The following COMMD7 variants were observed in gnomAD, a reference collection of about 807,000 sequenced individuals.
COMMD7 encodes COMM domain containing 7.
Under a neutral mutation model 34.8 loss-of-function variants are expected in COMMD7, and 28 were observed. The observed-to-expected ratio is 0.80, with a 90% confidence interval of 0.60 to 1.10. The LOEUF (loss-of-function observed/expected upper bound fraction) is 1.10, where lower values mean the gene tolerates loss of function less well. COMMD7 is among the 50% of genes least tolerant of loss of function. The probability of loss-of-function intolerance (pLI) is 0.00; values close to 1 mark genes in which losing one functional copy is unlikely to be tolerated. For synonymous variants in COMMD7, 80 were observed against 86.4 expected (o/e 0.93, Z 0.41); for missense variants, 211 against 241.6 (o/e 0.87, Z 0.84).
chr20:32,710,152 G>A (rs1422733133), intron 3 of COMMD7, among the ~76,000 whole-genome samples: 1 of 152,018 alleles, frequency 6.6e-6, no homozygotes, highest in African/African-American at 2.4e-5. Context: ...GGGATTACAG[G>A]CATGAGCTGC....
intron 6 of COMMD7, 67 bp downstream of exon 6, chr20:32,704,747 G>A (rs1983960868): frequency 1.7e-6 from 2 of 1,172,840 alleles, no homozygotes; most frequent in South Asian, 1.3e-5. Flanking sequence ...CATAGTGGCT[G>A]TGTCACAGCC....
chr20:32,728,733 AT>A (rs566994930), intron 1 of COMMD7, among the ~76,000 whole-genome samples: 18 of 148,544 alleles, frequency 1.2e-4, no homozygotes, highest in Admixed American at 2.0e-4. Flanking sequence ...TACCCGACTA[AT>A]TTTTTTTTTA....
At chr20:32,735,153 G>T (rs960113994) in intron 1 of COMMD7, among the ~76,000 whole-genome samples, 2 of 150,530 alleles carry the variant, frequency 1.3e-5, no homozygotes, top group Non-Finnish European at 3.0e-5. Context: ...CAGGAGAACT[G>T]CTTGAACCCG....
chr20:32,707,283 CAA>C (rs1242140132), intron 3 of COMMD7, among the ~76,000 whole-genome samples: 6 of 67,046 alleles, frequency 8.9e-5, no homozygotes, highest in African/African-American at 2.3e-4. Context: ...GACTCCGTCT[CAA>C]AAAAAAAAAA....
chr20:32,735,175 T>A (rs1236994293), intron 1 of COMMD7, among the ~76,000 whole-genome samples: 1 of 150,326 alleles, frequency 6.7e-6, no homozygotes, highest in Admixed American at 6.7e-5. Context: ...GAGGCAGAGG[T>A]TGCAGTGAGC....
chr20:32,737,406 C>T (rs958196200), intron 1 of COMMD7, among the ~76,000 whole-genome samples: 2 of 143,508 alleles, frequency 1.4e-5, no homozygotes. Flanking sequence ...TGGTACATGC[C>T]TATAGTCCCA....
intron 3 of COMMD7, among the ~76,000 whole-genome samples, chr20:32,721,187 G>C (rs1600985666): frequency 6.6e-6 from 1 of 152,270 alleles, no homozygotes; most frequent in East Asian, 1.9e-4. Flanking sequence ...GGATACAGTG[G>C]GGGGCCAAGT....
chr20:32,714,131 AC>A (rs1324773040), intron 3 of COMMD7, among the ~76,000 whole-genome samples: 2 of 151,646 alleles, frequency 1.3e-5, no homozygotes, highest in South Asian at 2.1e-4. Context: ...AAACAAAAAA[AC>A]CCCCAAAAAA....
chr20:32,710,468 A>G (rs1984366645), intron 3 of COMMD7, among the ~76,000 whole-genome samples: 2 of 152,132 alleles, frequency 1.3e-5, no homozygotes, highest in African/African-American at 4.8e-5. Context: ...TGTAAGGCCA[A>G]GTGCTGTCAT....
intron 1 of COMMD7, among the ~76,000 whole-genome samples, chr20:32,733,519 G>A (rs768157086): frequency 5.5e-4 from 84 of 152,058 alleles, no homozygotes; most frequent in Non-Finnish European, 7.8e-4. Flanking sequence ...AGGAGTTTGA[G>A]ACCAGCCTAG....
chr20:32,727,937 C>T lies in COMMD7; in HGVS notation c.197G>A (p.Gly66Asp). ...GCTTTTCACGATGCTTCTGAGGGAG[C>T]CAAGACTGATCTGATTGGTGGTGGC... is the stretch of plus-strand genomic sequence containing the variant. Reference protein sequence around the residue: ...EFATTNQISLGSLRSIVKSLL... With the variant: ...EFATTNQISLDSLRSIVKSLL... Residue 66 changes from glycine to aspartate, a missense_variant, in exon 3 of 9, where the codon GGC (glycine) becomes GAC (aspartate). Transcript: ENST00000278980. 6.2e-7 allele frequency: 1 copy of T among 1,614,096 alleles called. No homozygotes were observed. Among genetic ancestry groups the T allele is most frequent in the Non-Finnish European group, 8.5e-7 (1 of 1,180,026 alleles).
At chr20:32,717,132 G>A (rs1028966438) in intron 3 of COMMD7, among the ~76,000 whole-genome samples, 6 of 150,154 alleles carry the variant, frequency 4.0e-5, no homozygotes, top group Non-Finnish European at 5.9e-5. Flanking sequence ...TGCCCAGCCC[G>A]GGTTAATAAC....
intron 3 of COMMD7, among the ~76,000 whole-genome samples, chr20:32,716,546 C>T (rs1472426010): frequency 3.3e-5 from 5 of 152,102 alleles, no homozygotes; most frequent in East Asian, 1.9e-4. Flanking sequence ...ACCCGGGAGG[C>T]GGAGCTTGCA....
In COMMD7 at chr20:32,743,406, C is replaced by T; in HGVS notation, c.-15G>A. 7.4e-7 allele frequency: 1 copy of T among 1,346,288 alleles called. No homozygotes were observed. The highest frequency in any genetic ancestry group is 9.5e-7 in the Non-Finnish European group (1 of 1,055,560). The allele number at this position is 1,346,288 out of a possible 1,614,324, so 83.4% of individuals were successfully genotyped here. ...AGGCGGCCCATGGCGCGCGCCCCAG[C>T]CCCGCAGGTTCCACCGCCGCCGCCG... On this transcript the variant is annotated 5_prime_UTR_variant, in exon 1 of 9. Coordinates refer to ENST00000278980, the MANE Select transcript of COMMD7 (RefSeq NM_053041.3).
Position 32,703,133 on chromosome 20 carries a change from T to C in COMMD7, c.*249A>G. ...TGAGATGCAGTGGCCTGTCAGAGTATCTAAAAATGTGTCCTGGAAGACAGG... is the reference window on the plus strand; with the variant it reads ...TGAGATGCAGTGGCCTGTCAGAGTACCTAAAAATGTGTCCTGGAAGACAGG... On this transcript the variant is annotated 3_prime_UTR_variant, in exon 9 of 9. Transcript: ENST00000278980. 2.7e-6 allele frequency: 1 copy of C among 365,220 alleles called. No homozygotes were observed. Among genetic ancestry groups the C allele is most frequent in the Non-Finnish European group, 4.9e-6 (1 of 204,410 alleles). The allele number at this position is 365,220 out of a possible 1,614,324, so 22.6% of individuals were successfully genotyped here. A position where few individuals can be genotyped will look rare whatever the true frequency, so the allele number is the denominator to read the frequency against.
At chr20:32,729,788 C>T (rs975431362) in intron 1 of COMMD7, among the ~76,000 whole-genome samples, 2 of 151,672 alleles carry the variant, frequency 1.3e-5, no homozygotes, top group Admixed American at 6.6e-5. Context: ...GAGTGGATCA[C>T]GAGGTCAGGA....
intron 1 of COMMD7, among the ~76,000 whole-genome samples, chr20:32,741,949 A>G (rs1234855965): frequency 6.6e-6 from 1 of 152,140 alleles, no homozygotes; most frequent in Non-Finnish European, 1.5e-5. Flanking sequence ...ACACTCTGGG[A>G]GGCTGAGGTG....
chr20:32,741,348 G>A (rs1441930276), intron 1 of COMMD7, among the ~76,000 whole-genome samples: 1 of 151,646 alleles, frequency 6.6e-6, no homozygotes, highest in Non-Finnish European at 1.5e-5. Context: ...CTCCCAAGTA[G>A]CTGGGACTAC....
chr20:32,704,103 A>T (rs1482823476), intron 7 of COMMD7, 32 bp from the exon 8 acceptor site: 1 of 1,505,100 alleles, frequency 6.6e-7, no homozygotes, highest in Non-Finnish European at 9.1e-7. Context: ...ATTTAAATTA[A>T]AATGATGACA....
Sources: gnomAD v4.1 joint callset for allele counts (sites outside exome capture counted in the v4.1 genomes callset) on GRCh38, gnomAD v4.1.1 for gene constraint, MANE v1.5 for transcripts, NCBI Gene and HGNC (gene_info 2026-07-23, HGNC 2026-07-21) for gene names.